SSX7: variants seen among roughly 807,000 people sequenced by gnomAD.
SSX7 encodes protein SSX7.
In SSX7, 15 loss-of-function variants were observed where a neutral mutation model predicts 14.7. The ratio of observed to expected loss-of-function variants is 1.02; its 90% CI spans 0.68 to 1.58. The LOEUF (loss-of-function observed/expected upper bound fraction) is 1.58, where lower values mean the gene tolerates loss of function less well. Ranked by LOEUF, SSX7 falls within the 40% of genes most tolerant of loss-of-function variation. The probability of loss-of-function intolerance (pLI) is 0.00; values close to 1 mark genes in which losing one functional copy is unlikely to be tolerated. For synonymous variants in SSX7, 46 were observed against 50.6 expected (o/e 0.91, Z 0.38); for missense variants, 178 against 146.8 (o/e 1.21, Z -1.10).
At position 52,653,419 on chromosome X, in the gene SSX7, T is replaced by C. The variant is rs1925505159; in HGVS notation, c.54A>G (p.Pro18=). Residue 18 remains proline (P), a synonymous_variant, in exon 2 of 8, where the codon CCA becomes CCG. Transcript: ENST00000298181. The part of the protein sequence containing the change: ...ARRPRAGAQI[P]EKIQKSFDDI... ...GTCACCTCACCTTTTGGATCTTCTC[T>C]GGTATTTGAGCACCAGCCCTAGGTC... The C allele has an allele frequency of 5.8e-6, 7 of 1,209,448 alleles. No homozygotes were observed. Among genetic ancestry groups the C allele is most frequent in the South Asian group, 1.8e-5 (1 of 56,699 alleles).
At chrX:52,648,240 T>G (rs1942449694) in intron 6 of SSX7, 21 bp downstream of exon 6, 1 of 1,203,840 alleles carries the variant, frequency 8.3e-7, no homozygotes, top group African/African-American at 1.8e-5. Context: ...GAGGGTTTGT[T>G]CCCGAATTCT....
chrX:52,644,983 A>T (rs782063652), intron 7 of SSX7, among the ~76,000 whole-genome samples: 6 of 110,827 alleles, frequency 5.4e-5, no homozygotes, highest in Admixed American at 9.6e-5. Flanking sequence ...AAAAGAGCTT[A>T]CGAAGGCCAG....
At position 52,652,656 on chromosome X, in the gene SSX7, C is replaced by T. The variant is rs193023974; in HGVS notation, c.184+214G>A. Among the ~76,000 whole-genome samples, 18 of 110,625 alleles carry T rather than the reference C, an allele frequency of 1.6e-4. No individual in the cohort carries two copies. In the East Asian group the frequency reaches 4.9e-3, roughly 30 times the overall value. Reference sequence around the variant, plus strand: ...AGAACAGAAGCCTAAGGGAGAGAAACGTGCAGGATCCAGGTATGAGCTCCA... The same window carrying T: ...AGAACAGAAGCCTAAGGGAGAGAAATGTGCAGGATCCAGGTATGAGCTCCA... On this transcript the variant is annotated intron_variant, in intron 3 of 7. Transcript: ENST00000298181.
chrX:52,646,429 A>G (rs782260911), intron 6 of SSX7, among the ~76,000 whole-genome samples: 53 of 112,985 alleles, frequency 4.7e-4, no homozygotes, highest in African/African-American at 1.6e-3. Context: ...ATGTTTTGAT[A>G]CACGCATGCC....
chrX:52,651,999 T>C (rs1925448179), intron 4 of SSX7, among the ~76,000 whole-genome samples: 1 of 111,493 alleles, frequency 9.0e-6, no homozygotes, highest in Non-Finnish European at 1.9e-5. Context: ...TTTGATGGCT[T>C]TTTATTCACA....
At chrX:52,654,364 G>GTTTTTT (rs1352091546) in intron 1 of SSX7, among the ~76,000 whole-genome samples, 45 of 60,895 alleles carry the variant, frequency 7.4e-4, no homozygotes, top group East Asian at 2.5e-3. Context: ...ATTTGAGTGA[G>GTTTTTT]TTTTTTTTTT....
chrX:52,648,406 G>A lies in SSX7; in HGVS notation c.331-10C>T. 1.7e-5 allele frequency: 21 copies of A among 1,210,560 alleles called. No homozygotes were observed. The highest frequency in any genetic ancestry group is 2.3e-5 in the Non-Finnish European group (21 of 894,870). On this transcript the variant is annotated splice_polypyrimidine_tract_variant and intron_variant, in intron 5 of 7. Transcript: ENST00000298181. ...GCTTCTTGGGCATGATCTTTATAAT[G>A]TGAAGGTCACAGATAAACAGAATCA...
chrX:52,653,430 C>A lies in SSX7; in HGVS notation c.43G>T (p.Ala15Ser). 1 of 1,211,599 alleles carries A rather than the reference C, an allele frequency of 8.3e-7. No individual in the cohort carries two copies. ...DAFARRPRAGAQIPEKIQKSF... is the reference protein window; with the variant it reads ...DAFARRPRAGSQIPEKIQKSF... The stretch of plus-strand genomic sequence containing the variant: ...TTTTGGATCTTCTCTGGTATTTGAG[C>A]ACCAGCCCTAGGTCTCCTTGCAAAG... Residue 15 changes from alanine to serine, a missense_variant, in exon 2 of 8, where the codon GCT (alanine) becomes TCT (serine). By Grantham distance (99) the Ala-to-Ser change is moderately conservative. Coordinates refer to ENST00000298181, the MANE Select transcript of SSX7 (RefSeq NM_173358.2).
chrX:52,645,841 G>A (rs1925229317), intron 6 of SSX7, among the ~76,000 whole-genome samples: 1 of 110,365 alleles, frequency 9.1e-6, no homozygotes, highest in African/African-American at 3.3e-5. Flanking sequence ...TTTTTATTGA[G>A]GGCACCGAGG....
intron 6 of SSX7, among the ~76,000 whole-genome samples, chrX:52,646,656 GTCTTCTGAC>G (rs1925259212): frequency 8.9e-6 from 1 of 112,133 alleles, no homozygotes; most frequent in South Asian, 3.7e-4. Flanking sequence ...AATGTTGTGT[GTCTTCTGAC>G]TGCTCCACCG....
chrX:52,647,906 C>A (rs782758725), intron 6 of SSX7, among the ~76,000 whole-genome samples: 1 of 111,905 alleles, frequency 8.9e-6, no homozygotes, highest in Admixed American at 9.5e-5. Context: ...GATATTATCC[C>A]AGGTTATCAA....
intron 2 of SSX7, 129 bp from the exon 3 acceptor site, chrX:52,653,113 C>T (rs1452764828): frequency 4.3e-5 from 50 of 1,166,610 alleles, no homozygotes; most frequent in Non-Finnish European, 5.4e-5. Context: ...ACAACATGAG[C>T]GACCTTTCCT....
At chrX:52,645,831 T>C (rs782221890) in intron 6 of SSX7, among the ~76,000 whole-genome samples, 1 of 110,994 alleles carries the variant, frequency 9.0e-6, no homozygotes, top group Admixed American at 9.6e-5. Flanking sequence ...TCAGCACGTG[T>C]TTTTATTGAG....
chrX:52,652,157 G>T, intron 4 of SSX7, 95 bp downstream of exon 4: 5 of 725,260 alleles, frequency 6.9e-6, no homozygotes, highest in Middle Eastern at 3.0e-4. Flanking sequence ...TGATGTGTAT[G>T]AGGGAACAAA....
chrX:52,645,065 C>A (rs1199992934), intron 7 of SSX7, among the ~76,000 whole-genome samples: 2 of 110,644 alleles, frequency 1.8e-5, no homozygotes, highest in Non-Finnish European at 3.8e-5. Context: ...GTCAGGAGAC[C>A]GAGACCATCC....
In SSX7 at chrX:52,652,305, G is replaced by GC. The variant is rs1160709851; in HGVS notation, c.226dup (p.Ala76GlyfsTer8). The GC allele has an allele frequency of 8.3e-7, 1 of 1,206,297 alleles. No individual in the cohort carries two copies. The highest frequency in any genetic ancestry group is 1.1e-6 in the Non-Finnish European group (1 of 893,738). On this transcript the variant is annotated frameshift_variant, in exon 4 of 8. Transcript: ENST00000298181. LOFTEE classifies it high-confidence loss of function. ...AAAATCATTCCCCTGGAGGTCTGTGGCCCCTGTATTATGCATGAAAGGTGG... is the reference window on the plus strand; with the variant it reads ...AAAATCATTCCCCTGGAGGTCTGTGGCCCCCTGTATTATGCATGAAAGGTGG...
intron 5 of SSX7, among the ~76,000 whole-genome samples, chrX:52,649,751 A>T (rs1196278283): frequency 8.9e-6 from 1 of 112,413 alleles, no homozygotes; most frequent in African/African-American, 3.2e-5. Flanking sequence ...GGGTGTCTCA[A>T]TGGAAGCACC....
chrX:52,644,597 C>G lies in SSX7; in HGVS notation c.*78G>C. ...GCTATGCACCTGATGACGAGGGGTC[C>G]GCAGCCATGCCCATGTTCGTGAAAG... On this transcript the variant is annotated 3_prime_UTR_variant, in exon 8 of 8. Coordinates refer to ENST00000298181, the MANE Select transcript of SSX7 (RefSeq NM_173358.2). The G allele has an allele frequency of 8.4e-7, 1 of 1,190,018 alleles. No homozygotes were observed. The highest frequency in any genetic ancestry group is 2.2e-5 in the Admixed American group (1 of 45,933).
intron 6 of SSX7, among the ~76,000 whole-genome samples, chrX:52,647,390 C>A (rs1300641391): frequency 8.9e-6 from 1 of 112,424 alleles, no homozygotes; most frequent in Non-Finnish European, 1.9e-5. Flanking sequence ...GAAGGAGATG[C>A]CTTCTAGGAC....
Sources: gnomAD v4.1 joint callset for allele counts (sites outside exome capture counted in the v4.1 genomes callset) on GRCh38, gnomAD v4.1.1 for gene constraint, MANE v1.5 for transcripts, NCBI Gene and HGNC (gene_info 2026-07-23, HGNC 2026-07-21) for gene names.